The following CSTPP1 variants were observed in gnomAD, a reference collection of about 807,000 sequenced individuals.
CSTPP1 encodes the protein centriolar satellite-associated tubulin polyglutamylase complex regulator 1, also known as UPF0705 protein C11orf49.
the CSTPP1 span, among the ~76,000 whole-genome samples, chr11:47,033,630 A>G: frequency 5.3e-5 from 8 of 152,190 alleles, no homozygotes; most frequent in Non-Finnish European, 1.2e-4. Context: ...AATCCTGTGA[A>G]GTCATGCACA....
At chr11:47,018,287 CTTTTTTTTTTTTTT>C in the CSTPP1 span, among the ~76,000 whole-genome samples, 1 of 82,190 alleles carries the variant, frequency 1.2e-5, no homozygotes, top group African/African-American at 4.9e-5. Flanking sequence ...GTATGTTTAG[CTTTTTTTTTTTTTT>C]TTTTTTTTTT....
At chr11:47,063,254 G>T in the CSTPP1 span, among the ~76,000 whole-genome samples, 3 of 151,762 alleles carry the variant, frequency 2.0e-5, no homozygotes, top group Non-Finnish European at 4.4e-5. Flanking sequence ...TCTTATTATT[G>T]TGGTAAAATA....
At chr11:47,011,067 C>T in the CSTPP1 span, among the ~76,000 whole-genome samples, 1 of 152,098 alleles carries the variant, frequency 6.6e-6, no homozygotes, top group Non-Finnish European at 1.5e-5. Flanking sequence ...TAAAGGAAAG[C>T]TGAACATATT....
chr11:47,148,523 C>T, the CSTPP1 span, among the ~76,000 whole-genome samples: 1 of 152,174 alleles, frequency 6.6e-6, no homozygotes, highest in African/African-American at 2.4e-5. Context: ...TCTTTCTGGC[C>T]GTGGCTGAGG....
the CSTPP1 span, chr11:47,137,698 T>G: frequency 6.2e-7 from 1 of 1,614,014 alleles, no homozygotes; most frequent in African/African-American, 1.3e-5. Flanking sequence ...GTGTCCTGAT[T>G]TCCCGCTGGA....
At chr11:46,957,908 G>A in the CSTPP1 span, among the ~76,000 whole-genome samples, 1 of 152,062 alleles carries the variant, frequency 6.6e-6, no homozygotes, top group Non-Finnish European at 1.5e-5. Context: ...TGAACTAATA[G>A]GATATGTAAA....
At chr11:46,936,953 G>T in the CSTPP1 span, 1 of 1,293,442 alleles carries the variant, frequency 7.7e-7, no homozygotes. Flanking sequence ...TCGGGTCCGG[G>T]TGGTATGGGG....
chr11:47,077,406 G>A, the CSTPP1 span, among the ~76,000 whole-genome samples: 1 of 151,994 alleles, frequency 6.6e-6, no homozygotes, highest in African/African-American at 2.4e-5. Flanking sequence ...CACCTTGTTG[G>A]TCGGGCTGGT....
chr11:47,105,965 TTAAA>T, the CSTPP1 span, among the ~76,000 whole-genome samples: 1 of 152,238 alleles, frequency 6.6e-6, no homozygotes, highest in African/African-American at 2.4e-5. Context: ...GAAACTTTCA[TTAAA>T]TATGTTTTCC....
At chr11:46,956,602 G>A in the CSTPP1 span, among the ~76,000 whole-genome samples, 6 of 152,042 alleles carry the variant, frequency 3.9e-5, no homozygotes, top group East Asian at 1.9e-4. Context: ...GTAGGTTTGC[G>A]GTGATCTCAC....
chr11:47,103,399 C>G, the CSTPP1 span, among the ~76,000 whole-genome samples: 1 of 131,014 alleles, frequency 7.6e-6, no homozygotes, highest in Non-Finnish European at 1.6e-5. Flanking sequence ...GACCCTGTCT[C>G]AAAAAAAAAA....
At chr11:46,994,671 G>T in the CSTPP1 span, among the ~76,000 whole-genome samples, 1 of 152,030 alleles carries the variant, frequency 6.6e-6, no homozygotes, top group East Asian at 1.9e-4. Flanking sequence ...TGCTGGATTC[G>T]GTTTGCCAGT....
chr11:46,961,310 A>G, the CSTPP1 span, among the ~76,000 whole-genome samples: 1 of 152,106 alleles, frequency 6.6e-6, no homozygotes, highest in South Asian at 2.1e-4. Context: ...GCATTTCCCT[A>G]ATGATTAATG....
the CSTPP1 span, among the ~76,000 whole-genome samples, chr11:47,083,038 C>T: frequency 0.023 from 3,497 of 150,888 alleles, 51 homozygotes; most frequent in Non-Finnish European, 0.036. Flanking sequence ...CCTCCCCCGA[C>T]CTCACCCCCC....
chr11:47,113,015 G>A, the CSTPP1 span, among the ~76,000 whole-genome samples: 4 of 152,112 alleles, frequency 2.6e-5, no homozygotes, highest in East Asian at 3.9e-4. Flanking sequence ...GACAGGACCC[G>A]GTGTGTGATG....
the CSTPP1 span, among the ~76,000 whole-genome samples, chr11:47,079,250 A>C: frequency 1.3e-5 from 2 of 152,244 alleles, no homozygotes; most frequent in Non-Finnish European, 2.9e-5. Context: ...ATCTGGACAC[A>C]AATCTGAGGG....
the CSTPP1 span, among the ~76,000 whole-genome samples, chr11:47,055,667 A>T: frequency 6.6e-6 from 1 of 152,214 alleles, no homozygotes; most frequent in Non-Finnish European, 1.5e-5. Flanking sequence ...GAAAGATTTC[A>T]TGGTGAATTA....
the CSTPP1 span, among the ~76,000 whole-genome samples, chr11:46,977,994 C>T: frequency 6.6e-6 from 1 of 152,172 alleles, no homozygotes; most frequent in Non-Finnish European, 1.5e-5. Flanking sequence ...TGATATTTAG[C>T]GTTTCCCACC....
chr11:46,995,144 G>A, the CSTPP1 span, among the ~76,000 whole-genome samples: 1 of 152,012 alleles, frequency 6.6e-6, no homozygotes, highest in South Asian at 2.1e-4. Flanking sequence ...ATTTTTTATT[G>A]CGTCTATTTG....
Sources: allele counts gnomAD v4.1 joint callset (sites outside exome capture counted in the v4.1 genomes callset), GRCh38; gene constraint gnomAD v4.1.1; transcripts MANE v1.5; gene names NCBI Gene and HGNC (gene_info 2026-07-23, HGNC 2026-07-21).